LACTB2: variants seen among roughly 807,000 people sequenced by gnomAD.
LACTB2 encodes the protein lactamase beta 2, also known as endoribonuclease LACTB2.
Under a neutral mutation model 34.8 loss-of-function variants are expected in LACTB2, and 32 were observed. The observed-to-expected ratio is 0.92, with a 90% confidence interval of 0.69 to 1.24. LACTB2 has a LOEUF of 1.24. Ranked by LOEUF, LACTB2 falls within the 50% of genes most tolerant of loss-of-function variation. LACTB2 has a pLI of 0.00. For synonymous variants in LACTB2, 120 were observed against 117.5 expected, an observed-to-expected ratio of 1.02 and a Z score of -0.14; for missense variants, 320 against 345.0, an observed-to-expected ratio of 0.93 and a Z score of 0.57.
At chr8:70,658,802 G>A (rs528318658) in intron 2 of LACTB2, among the ~76,000 whole-genome samples, 3 of 152,264 alleles carry the variant, frequency 2.0e-5, no homozygotes, top group Admixed American at 1.3e-4. Context: ...CAAGGTGGGA[G>A]GATCACGAGG....
At chr8:70,644,643 T>C (rs1220069600) in intron 3 of LACTB2, among the ~76,000 whole-genome samples, 1 of 152,014 alleles carries the variant, frequency 6.6e-6, no homozygotes, top group African/African-American at 2.4e-5. Flanking sequence ...GGCTAATTTA[T>C]TTTTATTTTT....
At chr8:70,664,726 A>G (rs1818517833) in intron 1 of LACTB2, among the ~76,000 whole-genome samples, 1 of 152,260 alleles carries the variant, frequency 6.6e-6, no homozygotes, top group Admixed American at 6.5e-5. Flanking sequence ...TGACATTGAC[A>G]TAGCAATTTA....
chr8:70,644,031 C>T (rs928635761), intron 4 of LACTB2, 34 bp downstream of exon 4: 1 of 1,457,014 alleles, frequency 6.9e-7, no homozygotes, highest in African/African-American at 1.5e-5. Flanking sequence ...TATTTAAAAA[C>T]ATAAAAATAT....
intron 2 of LACTB2, chr8:70,660,939 G>A (rs910370410): frequency 3.9e-5 from 18 of 455,744 alleles, no homozygotes; most frequent in South Asian, 7.7e-5. Context: ...CACCATACCC[G>A]GGAAATTTTT....
chr8:70,649,303 A>G (rs1341710318), intron 3 of LACTB2, among the ~76,000 whole-genome samples: 1 of 152,172 alleles, frequency 6.6e-6, no homozygotes, highest in Non-Finnish European at 1.5e-5. Flanking sequence ...GAGGAAAACA[A>G]GCCGACAGGA....
intron 4 of LACTB2, 39 bp from the exon 5 acceptor site, chr8:70,641,089 A>T: frequency 1.3e-6 from 2 of 1,516,292 alleles, no homozygotes; most frequent in Non-Finnish European, 1.8e-6. Flanking sequence ...TCAGTCAGAT[A>T]AAAAAATACT....
chr8:70,657,244 A>AT (rs1183637796), intron 3 of LACTB2, among the ~76,000 whole-genome samples: 2 of 152,082 alleles, frequency 1.3e-5, no homozygotes, highest in South Asian at 4.1e-4. Flanking sequence ...TGTAAATTTT[A>AT]TTTTTTAAAA....
At chr8:70,647,434 G>A (rs1818278163) in intron 3 of LACTB2, among the ~76,000 whole-genome samples, 1 of 151,988 alleles carries the variant, frequency 6.6e-6, no homozygotes, top group Non-Finnish European at 1.5e-5. Context: ...TGTATTTTTA[G>A]TAGAGATGGG....
chr8:70,647,299 C>T (rs568897304), intron 3 of LACTB2, among the ~76,000 whole-genome samples: 16 of 151,532 alleles, frequency 1.1e-4, no homozygotes, highest in African/African-American at 3.9e-4. Context: ...GTCGCCCAGG[C>T]TGGAGTGCAG....
rs568536616 is a variant in LACTB2, at chr8:70,652,580, T to C, written c.413+5176A>G. The C allele has an allele frequency of 1.2e-4, 18 of 152,310 alleles. No individual in the cohort carries two copies. The South Asian group carries it at 2.9e-3, about 25-fold the overall frequency. 9.4% of individuals were successfully genotyped at this position (152,310 alleles called of 1,614,324 possible). On this transcript the variant is annotated intron_variant, in intron 3 of 6. Transcript: ENST00000276590. ...AAACAAAAATTAAATAGAATTCATA[T>C]ATTTGAAATCCTTGGCATCAATTCA...
At chr8:70,662,863 T>C (rs760537090) in intron 1 of LACTB2, 4 of 152,174 alleles carry the variant, frequency 2.6e-5, no homozygotes, top group Non-Finnish European at 4.4e-5. Flanking sequence ...CATTTTTGTA[T>C]TTTTTGTAGA....
At chr8:70,654,844 T>A (rs1232326153) in intron 3 of LACTB2, 1 of 152,620 alleles carries the variant, frequency 6.6e-6, no homozygotes, top group East Asian at 1.9e-4. Flanking sequence ...CTCAGCCTCT[T>A]GTGTGGCTGG....
intron 6 of LACTB2, 137 bp from the exon 7 acceptor site, chr8:70,638,040 G>T: frequency 2.1e-6 from 1 of 468,540 alleles, no homozygotes; most frequent in Non-Finnish European, 3.8e-6. Context: ...GGTATTTTTG[G>T]TACATGTAAA....
At chr8:70,661,703 T>C (rs1277869862) in intron 2 of LACTB2, 31 bp downstream of exon 2, 10 of 1,584,820 alleles carry the variant, frequency 6.3e-6, no homozygotes, top group African/African-American at 1.4e-5. Flanking sequence ...ACGGCTTTCC[T>C]CAATGAGCTT....
intron 1 of LACTB2, among the ~76,000 whole-genome samples, chr8:70,666,139 T>G (rs1001880118): frequency 2.6e-5 from 4 of 152,300 alleles, no homozygotes; most frequent in African/African-American, 7.2e-5. Context: ...TCAGCAACTG[T>G]TTACTGTTCT....
At chr8:70,664,161 C>G (rs1185302166) in intron 1 of LACTB2, among the ~76,000 whole-genome samples, 1 of 152,152 alleles carries the variant, frequency 6.6e-6, no homozygotes, top group African/African-American at 2.4e-5. Context: ...TTCTGGTCCT[C>G]ACAAAAAGAA....
intron 3 of LACTB2, among the ~76,000 whole-genome samples, chr8:70,657,524 C>T (rs1293206377): frequency 6.6e-6 from 1 of 151,372 alleles, no homozygotes; most frequent in African/African-American, 2.4e-5. Context: ...CTCTGCTTCC[C>T]AGGTTCAAGC....
In LACTB2 at chr8:70,640,971, A is replaced by C. The variant is rs780263921; in HGVS notation, c.672T>G (p.Ile224Met). The C allele has an allele frequency of 1.4e-5, 22 of 1,609,968 alleles. No individual in the cohort carries two copies. Among genetic ancestry groups the C allele is most frequent in the Non-Finnish European group, 1.9e-5 (22 of 1,178,812 alleles). The change falls in exon 5 of 7, where the codon ATT becomes ATG. Residue 224 changes from isoleucine to methionine, a missense_variant. Transcript: ENST00000276590. ...CAAAGTTCTCACGAAATAATGTAAG[A>C]ATTTGCTGCTCTCGAATATTTCTGT... is the stretch of plus-strand genomic sequence containing the variant. ...ISHRNIREQQ[I>M]LTLFRENFEK...
Position 70,662,063 on chromosome 8 carries a change from T to C in LACTB2, c.123-166A>G, listed in dbSNP as rs78669407. 1,320 of 525,432 alleles carry C rather than the reference T, an allele frequency of 2.5e-3. 13 individuals are homozygous for C. The highest frequency in any genetic ancestry group is 0.021 in the African/African-American group (1,077 of 52,026). 32.5% of individuals were successfully genotyped at this position (525,432 alleles called of 1,614,324 possible). A position where few individuals can be genotyped will look rare whatever the true frequency, so the allele number is the denominator to read the frequency against. ...CAGCTTAACTACAGTAATCTCACCC[T>C]AAGAAAGTTTTCTGAGAAAAATTAG... On this transcript the variant is annotated intron_variant, in intron 1 of 6. Coordinates refer to ENST00000276590, the MANE Select transcript of LACTB2 (RefSeq NM_016027.3).
Sources: allele counts gnomAD v4.1 joint callset (sites outside exome capture counted in the v4.1 genomes callset), GRCh38; gene constraint gnomAD v4.1.1; transcripts MANE v1.5; gene names NCBI Gene and HGNC (gene_info 2026-07-23, HGNC 2026-07-21).